The following SLC39A8 variants were observed in gnomAD, a reference collection of about 807,000 sequenced individuals.
SLC39A8 encodes the protein metal cation symporter ZIP8.
In SLC39A8, 15 loss-of-function variants were observed where a neutral mutation model predicts 40.4. The ratio of observed to expected loss-of-function variants is 0.37; its 90% CI spans 0.25 to 0.57. The LOEUF is 0.57. SLC39A8 is among the 20% of genes least tolerant of loss of function. The pLI is 0.75. For missense variants in SLC39A8, 472 were observed against 558.8 expected (o/e 0.84, Z 1.57); for synonymous variants, 223 against 221.6 (o/e 1.01, Z -0.06).
In SLC39A8 at chr4:102,263,118, T is replaced by C; in HGVS notation, c.1309A>G (p.Asn437Asp). The change falls in exon 9 of 9, where the codon AAT (asparagine) becomes GAT (aspartate). Residue 437 changes from asparagine (N) to aspartate (D), a missense_variant. Around this residue, in one of 4 missense-constraint regions of SLC39A8, gnomAD observed 50 missense variants for 50.5 expected, o/e 0.99. Transcript: ENST00000356736. ...KTDFTFFMIQNAGMLTGFTAI... is the reference protein window; with the variant it reads ...KTDFTFFMIQDAGMLTGFTAI... ...GTGAATCCAGTTAACATTCCAGCAT[T>C]CTGAATCATGAAGAAGGTGAAATCG... 1 of 1,613,892 alleles carries C rather than the reference T, an allele frequency of 6.2e-7. No individual in the cohort carries two copies. Among genetic ancestry groups the C allele is most frequent in the Non-Finnish European group, 8.5e-7 (1 of 1,179,806 alleles).
At chr4:102,300,510 T>C (rs1212513291) in intron 6 of SLC39A8, among the ~76,000 whole-genome samples, 1 of 152,042 alleles carries the variant, frequency 6.6e-6, no homozygotes, top group Non-Finnish European at 1.5e-5. Context: ...CTTTCTACAT[T>C]TCAGCAAGAT....
chr4:102,334,891 T>C (rs566673249), intron 2 of SLC39A8, among the ~76,000 whole-genome samples: 7 of 152,328 alleles, frequency 4.6e-5, no homozygotes, highest in South Asian at 2.1e-4. Context: ...GTTTACTCCA[T>C]GGGATCAGGA....
rs34250686 is a variant in SLC39A8, at chr4:102,269,162, TAA to T, written c.841-1085_841-1084del. Among the ~76,000 whole-genome samples, 1,320 of 149,268 alleles carry T rather than the reference TAA, an allele frequency of 8.8e-3. 17 individuals are homozygous for T. Among genetic ancestry groups the T allele is most frequent in the African/African-American group, 0.031 (1,261 of 40,696 alleles). ...CAAGTCATAATATATATGGATACAT[TAA>T]AAAAAAAACATGCAATATATATCCA... is the stretch of plus-strand genomic sequence containing the variant. On this transcript the variant is annotated intron_variant, in intron 6 of 8. Coordinates refer to ENST00000356736, the MANE Select transcript of SLC39A8 (RefSeq NM_001135146.2).
At chr4:102,327,991 T>G (rs778864518) in intron 2 of SLC39A8, among the ~76,000 whole-genome samples, 1 of 152,188 alleles carries the variant, frequency 6.6e-6, no homozygotes, top group African/African-American at 2.4e-5. Context: ...TGTTTCTAAG[T>G]TGCCGTAAAG....
chr4:102,303,014 A>G (rs774246613), intron 6 of SLC39A8, among the ~76,000 whole-genome samples: 1 of 151,916 alleles, frequency 6.6e-6, no homozygotes, highest in African/African-American at 2.4e-5. Flanking sequence ...GAAGCATATG[A>G]CCAATCATGT....
intron 2 of SLC39A8, among the ~76,000 whole-genome samples, chr4:102,322,304 T>C (rs1427858696): frequency 6.6e-6 from 1 of 152,202 alleles, no homozygotes; most frequent in Non-Finnish European, 1.5e-5. Context: ...AAGCTGTACC[T>C]AAAGCTGATG....
intron 6 of SLC39A8, among the ~76,000 whole-genome samples, chr4:102,298,357 T>G (rs1020551974): frequency 6.6e-6 from 1 of 151,916 alleles, no homozygotes; most frequent in Non-Finnish European, 1.5e-5. Flanking sequence ...AGAGAGAAAT[T>G]CCACTAACAG....
chr4:102,260,283 CAGT>C (rs1476873357), downstream of SLC39A8, among the ~76,000 whole-genome samples: 2 of 152,158 alleles, frequency 1.3e-5, no homozygotes, highest in African/African-American at 4.8e-5. Flanking sequence ...GGCTTCTTTT[CAGT>C]AAGAGAATTC....
chr4:102,276,149 A>AG (rs1299092853), intron 6 of SLC39A8, among the ~76,000 whole-genome samples: 3 of 152,230 alleles, frequency 2.0e-5, no homozygotes, highest in Non-Finnish European at 4.4e-5. Flanking sequence ...GCAGAACTGA[A>AG]GGAGATTGAG....
At chr4:102,272,387 C>T (rs1400394995) in intron 6 of SLC39A8, among the ~76,000 whole-genome samples, 2 of 150,962 alleles carry the variant, frequency 1.3e-5, no homozygotes, top group Non-Finnish European at 3.0e-5. Context: ...TGCAGTGAGC[C>T]GAGATCGCAG....
At chr4:102,294,674 C>T (rs780490735) in intron 6 of SLC39A8, among the ~76,000 whole-genome samples, 3 of 151,808 alleles carry the variant, frequency 2.0e-5, no homozygotes, top group East Asian at 3.9e-4. Flanking sequence ...AGAAGCAACC[C>T]TTATTGCAAC....
At position 102,312,325 on chromosome 4, in the gene SLC39A8, C is replaced by T. The variant is rs188937106; in HGVS notation, c.382+3343G>A. Among the ~76,000 whole-genome samples, 346 of 152,092 alleles carry T rather than the reference C, an allele frequency of 2.3e-3. 2 individuals carry two copies. Among genetic ancestry groups the T allele is most frequent in the Admixed American group, 3.9e-3 (60 of 15,262 alleles). On this transcript the variant is annotated intron_variant, in intron 3 of 8. Transcript: ENST00000356736. ...TTTCAATTCCTAAGACAATATGCAC[C>T]CTAAGAGGCATTTCTCTTTTTATTG...
downstream of SLC39A8, among the ~76,000 whole-genome samples, chr4:102,257,101 G>A (rs1032395677): frequency 2.0e-5 from 3 of 151,346 alleles, no homozygotes; most frequent in African/African-American, 7.3e-5. Flanking sequence ...GAATAATTGT[G>A]TCTAATAAAA....
At chr4:102,302,347 T>C (rs7664423) in intron 6 of SLC39A8, among the ~76,000 whole-genome samples, 2,484 of 152,060 alleles carry the variant, frequency 0.016, 65 homozygotes, top group African/African-American at 0.057. Context: ...CTTGAATGAC[T>C]TGTCAGAGTT....
intron 3 of SLC39A8, among the ~76,000 whole-genome samples, chr4:102,315,095 A>G (rs1382644491): frequency 6.6e-6 from 1 of 152,176 alleles, no homozygotes; most frequent in Non-Finnish European, 1.5e-5. Context: ...AAGCATACAT[A>G]TATTTTATTA....
At position 102,344,611 on chromosome 4, in the gene SLC39A8, G is replaced by T; in HGVS notation, c.52C>A (p.Leu18Ile). The change falls in exon 2 of 9, where the codon CTC becomes ATC. Residue 18 changes from leucine to isoleucine, a missense_variant. Coordinates refer to ENST00000356736, the MANE Select transcript of SLC39A8 (RefSeq NM_001135146.2). ...CCTGGCCCCTCCGCCACTCCTCCGA[G>T]GCCGGCGGCCGCCAGCAACAGGAGC... Reference protein sequence around the residue: ...AGLLLLAAAGLGGVAEGPGLA... With the variant: ...AGLLLLAAAGIGGVAEGPGLA... The T allele has an allele frequency of 6.5e-7, 1 of 1,540,340 alleles. No homozygotes were observed. The highest frequency in any genetic ancestry group is 8.7e-7 in the Non-Finnish European group (1 of 1,143,490).
chr4:102,342,367 C>T (rs1313040503), intron 2 of SLC39A8, among the ~76,000 whole-genome samples: 3 of 152,156 alleles, frequency 2.0e-5, no homozygotes, highest in Non-Finnish European at 2.9e-5. Flanking sequence ...GGTGTGGTGG[C>T]ACACGCCTGT....
chr4:102,266,444 C>T (rs183831209), intron 8 of SLC39A8, among the ~76,000 whole-genome samples: 1 of 152,146 alleles, frequency 6.6e-6, no homozygotes, highest in Admixed American at 6.5e-5. Context: ...GGTAAGAATG[C>T]AAATAAAAAA....
intron 6 of SLC39A8, among the ~76,000 whole-genome samples, chr4:102,283,266 G>A (rs1462977780): frequency 1.3e-5 from 2 of 152,182 alleles, no homozygotes; most frequent in South Asian, 4.1e-4. Context: ...TGCCCAAAAC[G>A]ACACAGCTAG....
Sources: allele counts gnomAD v4.1 joint callset (sites outside exome capture counted in the v4.1 genomes callset), GRCh38; gene constraint gnomAD v4.1.1; regional missense constraint gnomAD v4.1.1; transcripts MANE v1.5; gene names NCBI Gene and HGNC (gene_info 2026-07-23, HGNC 2026-07-21).